The following DSCAM variants were observed in gnomAD, a reference collection of about 807,000 sequenced individuals.
DSCAM encodes cell adhesion molecule DSCAM.
In DSCAM, 47 loss-of-function variants were observed where a neutral mutation model predicts 217.7. The ratio of observed to expected loss-of-function variants is 0.22; its 90% CI spans 0.17 to 0.28. The LOEUF (loss-of-function observed/expected upper bound fraction) is 0.28. Ranked by LOEUF, DSCAM falls within the 10% of genes least tolerant of loss-of-function variation. DSCAM has a pLI of 1.00. For synonymous variants in DSCAM, 1,056 were observed against 1,015.3 expected (o/e 1.04, Z -0.76); for missense variants, 2,080 against 2,618.3 (o/e 0.79, Z 4.49).
chr21:40,179,123 GA>G (rs777175203), intron 14 of DSCAM, 29 bp from the exon 15 acceptor site: 12 of 1,386,604 alleles, frequency 8.7e-6, no homozygotes, highest in Non-Finnish European at 1.1e-5. Context: ...CAAAAAAGAA[GA>G]GATAGAGACG....
intron 1 of DSCAM, among the ~76,000 whole-genome samples, chr21:40,780,423 G>GTGTATATATATATATATATA (rs1007015659): frequency 3.9e-4 from 22 of 56,420 alleles, no homozygotes; most frequent in South Asian, 2.6e-3. Flanking sequence ...GTGTGTGTGT[G>GTGTATATATATATATATATA]TATATATATA....
At chr21:40,740,291 T>C (rs183071807) in intron 1 of DSCAM, among the ~76,000 whole-genome samples, 20 of 152,310 alleles carry the variant, frequency 1.3e-4, no homozygotes, top group African/African-American at 4.8e-4. Flanking sequence ...GCAGCCACTT[T>C]GCAAAGCTAA....
intron 3 of DSCAM, among the ~76,000 whole-genome samples, chr21:40,529,717 G>A (rs2076427877): frequency 1.3e-5 from 2 of 152,154 alleles, no homozygotes; most frequent in Non-Finnish European, 2.9e-5. Context: ...TTGGAAGAAT[G>A]TACATAACCA....
intron 3 of DSCAM, among the ~76,000 whole-genome samples, chr21:40,650,947 G>A (rs2090006170): frequency 6.6e-6 from 1 of 152,152 alleles, no homozygotes; most frequent in African/African-American, 2.4e-5. Flanking sequence ...GGTGGAGCCT[G>A]GAGAGTGGGT....
chr21:40,036,074 A>C (rs1428953903), intron 32 of DSCAM, among the ~76,000 whole-genome samples: 4 of 127,270 alleles, frequency 3.1e-5, no homozygotes, highest in Non-Finnish European at 6.8e-5. Flanking sequence ...GAAAGATCCA[A>C]AATTGACACC....
chr21:40,292,401 G>T (rs961092728), intron 10 of DSCAM, among the ~76,000 whole-genome samples: 1 of 151,554 alleles, frequency 6.6e-6, no homozygotes, highest in Admixed American at 6.6e-5. Flanking sequence ...AAGAAAACAT[G>T]TTCCATAAGC....
intron 9 of DSCAM, among the ~76,000 whole-genome samples, chr21:40,306,362 T>C (rs1190509304): frequency 6.6e-6 from 1 of 151,356 alleles, no homozygotes; most frequent in African/African-American, 2.5e-5. Flanking sequence ...TGGGGTTTTC[T>C]AGATATACAA....
rs925953391 is a variant in DSCAM at position 40,292,483 on chromosome 21, A to G, written c.2182+3572T>C. Reference sequence around the variant, plus strand: ...AAATAACAATATACCATATTTCTCTATCAGATTGGAAAATGTCAAAAAAAA... The same window carrying G: ...AAATAACAATATACCATATTTCTCTGTCAGATTGGAAAATGTCAAAAAAAA... On this transcript the variant is annotated intron_variant, in intron 10 of 32. Coordinates refer to ENST00000400454, the MANE Select transcript of DSCAM (RefSeq NM_001389.5). 1.3e-5 allele frequency among the ~76,000 whole-genome samples: 2 copies of G among 151,390 alleles called. 1 individual carries two copies. The highest frequency in any genetic ancestry group is 2.9e-5 in the Non-Finnish European group (2 of 67,848).
intron 3 of DSCAM, among the ~76,000 whole-genome samples, chr21:40,666,879 T>TC (rs1174532722): frequency 6.6e-6 from 1 of 152,230 alleles, no homozygotes; most frequent in Non-Finnish European, 1.5e-5. Flanking sequence ...GCTGGTTAGT[T>TC]CCCCATTAAG....
chr21:40,215,349 A>T (rs1334599919), intron 11 of DSCAM, among the ~76,000 whole-genome samples: 2 of 118,986 alleles, frequency 1.7e-5, no homozygotes, highest in Admixed American at 9.4e-5. Flanking sequence ...CATGTAAAAA[A>T]CCTGTACGTG....
Position 40,347,938 on chromosome 21 carries a change from C to T in DSCAM, c.942G>A (p.Leu314=). ...CCTTCCTGGGACTGATGGTGGCTTT[C>T]AGTGGCTCTGGAGGTTTTAGTAAGA... The part of the protein sequence containing the change: ...VIGRLYVKQP[L]KATISPRKVK... Residue 314 remains leucine, a synonymous_variant, in exon 6 of 33, where the codon CTG becomes CTA. Transcript: ENST00000400454. 1 of 1,612,186 alleles carries T rather than the reference C, an allele frequency of 6.2e-7. No homozygotes were observed. The highest frequency in any genetic ancestry group is 1.3e-5 in the African/African-American group (1 of 74,934).
chr21:40,837,811 T>G (rs1219573818), intron 1 of DSCAM, among the ~76,000 whole-genome samples: 1 of 152,246 alleles, frequency 6.6e-6, no homozygotes, highest in Non-Finnish European at 1.5e-5. Flanking sequence ...ATTGTTGTCA[T>G]TGTTGGGTGT....
chr21:40,453,149 T>C (rs1233391017), intron 3 of DSCAM, among the ~76,000 whole-genome samples: 3 of 150,186 alleles, frequency 2.0e-5, no homozygotes, highest in Admixed American at 6.7e-5. Context: ...TATCACACAC[T>C]TATGTGAATT....
chr21:40,407,439 G>A (rs1601619091), intron 3 of DSCAM, among the ~76,000 whole-genome samples: 1 of 152,186 alleles, frequency 6.6e-6, no homozygotes, highest in Admixed American at 6.5e-5. Flanking sequence ...GGATGGCTTT[G>A]TGACTTGCTT....
intron 6 of DSCAM, among the ~76,000 whole-genome samples, chr21:40,346,094 G>T (rs2074554975): frequency 6.6e-6 from 1 of 152,210 alleles, no homozygotes; most frequent in African/African-American, 2.4e-5. Context: ...GGTTGCCGGG[G>T]TAACTGGGCC....
chr21:40,114,480 T>C (rs1468861418), intron 20 of DSCAM, among the ~76,000 whole-genome samples: 1 of 151,400 alleles, frequency 6.6e-6, no homozygotes, highest in Non-Finnish European at 1.5e-5. Context: ...ACCTAGGCAA[T>C]ACCATTCAGG....
intron 11 of DSCAM, among the ~76,000 whole-genome samples, chr21:40,196,764 TTA>T (rs1367384333): frequency 6.6e-6 from 1 of 152,156 alleles, no homozygotes; most frequent in East Asian, 1.9e-4. Flanking sequence ...TAGCTAATTT[TTA>T]TGAGTGTTGA....
intron 3 of DSCAM, among the ~76,000 whole-genome samples, chr21:40,607,919 C>T (rs780715144): frequency 3.3e-5 from 5 of 152,156 alleles, no homozygotes; most frequent in Admixed American, 6.6e-5. Context: ...TCCATAGGTG[C>T]CACTTTGGAT....
intron 3 of DSCAM, among the ~76,000 whole-genome samples, chr21:40,397,769 A>G (rs1402641179): frequency 6.6e-6 from 1 of 151,934 alleles, no homozygotes; most frequent in Non-Finnish European, 1.5e-5. Flanking sequence ...TACTATCACT[A>G]ATACTACCAC....
Sources: gnomAD v4.1 joint callset for allele counts (sites outside exome capture counted in the v4.1 genomes callset) on GRCh38, gnomAD v4.1.1 for gene constraint, MANE v1.5 for transcripts, NCBI Gene and HGNC (gene_info 2026-07-23, HGNC 2026-07-21) for gene names.